The following SLC17A1 variants were observed in gnomAD, a reference collection of about 807,000 sequenced individuals.
SLC17A1 encodes the protein sodium-dependent phosphate transport protein 1.
In SLC17A1, 51 loss-of-function variants were observed where a neutral mutation model predicts 53.5. The observed-to-expected ratio is 0.95, with a 90% CI of 0.76 to 1.20. The LOEUF (loss-of-function observed/expected upper bound fraction) is 1.20, where lower values mean the gene tolerates loss of function less well. SLC17A1 is among the 50% of genes most tolerant of loss of function. The pLI is 0.00. For missense variants in SLC17A1, 538 were observed against 568.2 expected (o/e 0.95, Z 0.54); for synonymous variants, 179 against 198.8 (o/e 0.90, Z 0.84).
the SLC17A1 span, among the ~76,000 whole-genome samples, chr6:25,759,592 G>A: frequency 6.6e-6 from 1 of 152,108 alleles, no homozygotes; most frequent in Non-Finnish European, 1.5e-5. Context: ...AGTTTGTTTT[G>A]TCTGATGTAA....
At chr6:25,726,246 G>A in the SLC17A1 span, 1 of 1,613,906 alleles carries the variant, frequency 6.2e-7, no homozygotes, top group Admixed American at 1.7e-5. Context: ...AAAGCTTATT[G>A]AGTTCCTCAT....
chr6:25,734,018 G>A, the SLC17A1 span, among the ~76,000 whole-genome samples: 1 of 152,000 alleles, frequency 6.6e-6, no homozygotes, highest in Admixed American at 6.6e-5. Flanking sequence ...GTTTCACCAC[G>A]ATGGTTAGGT....
chr6:25,770,742 T>C, the SLC17A1 span, among the ~76,000 whole-genome samples: 5 of 152,238 alleles, frequency 3.3e-5, no homozygotes, highest in South Asian at 2.1e-4. Context: ...TTCACACATA[T>C]GGAATTTCAG....
chr6:25,820,269 A>T (rs1255930596), intron 3 of SLC17A1, among the ~76,000 whole-genome samples: 2 of 152,194 alleles, frequency 1.3e-5, no homozygotes, highest in Non-Finnish European at 2.9e-5. Context: ...CCTGTACTTC[A>T]TAGTACTACT....
chr6:25,741,891 AT>A, the SLC17A1 span, among the ~76,000 whole-genome samples: 1 of 152,090 alleles, frequency 6.6e-6, no homozygotes, highest in South Asian at 2.1e-4. Context: ...TAAAAAAAAA[AT>A]GTATACAAAA....
chr6:25,731,842 C>T, the SLC17A1 span: 3 of 1,602,646 alleles, frequency 1.9e-6, no homozygotes, highest in African/African-American at 2.7e-5. Context: ...ACGTGCTTGG[C>T]TAGTTCCCCA....
At chr6:25,831,049 T>C (rs1274372464) in intron 1 of SLC17A1, among the ~76,000 whole-genome samples, 1 of 152,128 alleles carries the variant, frequency 6.6e-6, no homozygotes, top group African/African-American at 2.4e-5. Flanking sequence ...AATTCCTTTT[T>C]TCCCCCTGTA....
the SLC17A1 span, among the ~76,000 whole-genome samples, chr6:25,738,940 A>G: frequency 4.6e-5 from 7 of 152,352 alleles, no homozygotes; most frequent in South Asian, 2.1e-4. Flanking sequence ...TGGTAAAACT[A>G]TAAAATGGTA....
At chr6:25,792,346 G>A (rs1763519705) in intron 12 of SLC17A1, among the ~76,000 whole-genome samples, 2 of 152,122 alleles carry the variant, frequency 1.3e-5, no homozygotes, top group African/African-American at 4.8e-5. Context: ...ACCTAGGTGG[G>A]GCTTCACACG....
chr6:25,733,782 CTGTGTGTGTGTGTGTGTGTGTGTA>C, the SLC17A1 span, among the ~76,000 whole-genome samples: 2 of 144,556 alleles, frequency 1.4e-5, no homozygotes, highest in African/African-American at 5.3e-5. Flanking sequence ...AAGCCTAATA[CTGTGTGTGTGTGTGTGTGTGTGTA>C]TGTGTGTGTG....
intron 12 of SLC17A1, among the ~76,000 whole-genome samples, chr6:25,784,494 T>G (rs563621269): frequency 6.6e-6 from 1 of 151,888 alleles, no homozygotes; most frequent in African/African-American, 2.4e-5. Flanking sequence ...AGATGGGAGG[T>G]ACCACACACT....
the SLC17A1 span, among the ~76,000 whole-genome samples, chr6:25,762,604 G>C: frequency 1.3e-5 from 2 of 152,074 alleles, no homozygotes; most frequent in Non-Finnish European, 2.9e-5. Context: ...TAAGGATATA[G>C]TCATTTCATA....
At chr6:25,813,912 A>G (rs1764247712) in intron 6 of SLC17A1, among the ~76,000 whole-genome samples, 1 of 152,160 alleles carries the variant, frequency 6.6e-6, no homozygotes, top group Non-Finnish European at 1.5e-5. Flanking sequence ...AAAGGACACG[A>G]TCTCCTTCTT....
chr6:25,725,969 C>T, the SLC17A1 span, among the ~76,000 whole-genome samples: 2 of 152,146 alleles, frequency 1.3e-5, no homozygotes, highest in Admixed American at 6.5e-5. Context: ...CGTACATTCC[C>T]GAAATGCGCT....
intron 12 of SLC17A1, among the ~76,000 whole-genome samples, chr6:25,785,677 T>C (rs1160256520): frequency 6.6e-6 from 1 of 152,096 alleles, no homozygotes; most frequent in African/African-American, 2.4e-5. Flanking sequence ...ACACTGAATA[T>C]ATATATTTCT....
At position 25,784,364 on chromosome 6, in the gene SLC17A1, T is replaced by C. The variant is rs147399045; in HGVS notation, c.*3-1146A>G. 8.7e-3 allele frequency among the ~76,000 whole-genome samples: 1,322 copies of C among 152,286 alleles called. 26 individuals are homozygous for C. Among genetic ancestry groups the C allele is most frequent in the East Asian group, 0.066 (341 of 5,172 alleles). On this transcript the variant is annotated intron_variant, in intron 12 of 12. Transcript: ENST00000244527. ...TTTTGGCTTATGGTTCTGCAGGCTG[T>C]ACAAGAAGCATGATGCCAGCATCTG...
At chr6:25,726,165 A>C in the SLC17A1 span, 4 of 1,571,094 alleles carry the variant, frequency 2.5e-6, no homozygotes, top group Non-Finnish European at 1.7e-6. Flanking sequence ...GGTGACTCTC[A>C]GTCTTCTTGG....
intron 12 of SLC17A1, among the ~76,000 whole-genome samples, chr6:25,784,669 A>C (rs1276434700): frequency 6.6e-6 from 1 of 152,190 alleles, no homozygotes; most frequent in African/African-American, 2.4e-5. Flanking sequence ...TTTGGATGAG[A>C]CAAACATCCA....
At chr6:25,735,698 G>A in the SLC17A1 span, among the ~76,000 whole-genome samples, 1 of 152,170 alleles carries the variant, frequency 6.6e-6, no homozygotes, top group Admixed American at 6.6e-5. Context: ...TATGGTGGAA[G>A]CATTCTGACA....
Sources: gnomAD v4.1 joint callset for allele counts (sites outside exome capture counted in the v4.1 genomes callset) on GRCh38, gnomAD v4.1.1 for gene constraint, MANE v1.5 for transcripts, NCBI Gene and HGNC (gene_info 2026-07-23, HGNC 2026-07-21) for gene names.